ENOX1: variants seen among roughly 807,000 people sequenced by gnomAD.
ENOX1 encodes ecto-NOX disulfide-thiol exchanger 1, also known as candidate growth-related and time keeping constitutive hydroquinone (NADH) oxidase.
In ENOX1, 42 loss-of-function variants were observed where a neutral mutation model predicts 82.5. The observed-to-expected ratio is 0.51, with a 90% confidence interval of 0.40 to 0.66. ENOX1 has a LOEUF of 0.66. Ranked by LOEUF, ENOX1 falls within the 30% of genes least tolerant of loss-of-function variation. The probability of loss-of-function intolerance (pLI) is 0.00; values close to 1 mark genes in which losing one functional copy is unlikely to be tolerated. For synonymous variants in ENOX1, 271 were observed against 282.2 expected (o/e 0.96, Z 0.40); for missense variants, 608 against 811.6 (o/e 0.75, Z 3.05).
At chr13:43,685,686 C>T (rs1371803222) in intron 1 of ENOX1, among the ~76,000 whole-genome samples, 1 of 152,066 alleles carries the variant, frequency 6.6e-6, no homozygotes, top group Non-Finnish European at 1.5e-5. Flanking sequence ...TATTATTCTG[C>T]TGTCTTCCTC....
chr13:43,667,403 T>TA (rs1220436840), intron 2 of ENOX1, 76 bp downstream of exon 2: 1 of 921,332 alleles, frequency 1.1e-6, no homozygotes, highest in Non-Finnish European at 1.3e-6. Flanking sequence ...GCCAGAGGTA[T>TA]AATTAAACTA....
intron 2 of ENOX1, among the ~76,000 whole-genome samples, chr13:43,617,612 T>C (rs9590777): frequency 0.32 from 48,572 of 152,162 alleles, 9,542 homozygotes; most frequent in Non-Finnish European, 0.44. Context: ...GGTTTCTTTA[T>C]CCACTTGTTG....
At chr13:43,467,691 T>G (rs184662342) in intron 3 of ENOX1, among the ~76,000 whole-genome samples, 157 of 152,282 alleles carry the variant, frequency 1.0e-3, no homozygotes, top group Admixed American at 1.9e-3. Flanking sequence ...ATTTTTCTTT[T>G]GCTGTACATG....
intron 2 of ENOX1, among the ~76,000 whole-genome samples, chr13:43,636,867 G>A (rs191688328): frequency 4.7e-4 from 71 of 152,178 alleles, no homozygotes; most frequent in Non-Finnish European, 9.6e-4. Context: ...AAGAAGAGAC[G>A]GTAGGCAGGC....
rs575977973 is a variant in ENOX1 at position 43,216,553 on chromosome 13, A to C, written c.1801-2432T>G. 6.2e-4 allele frequency among the ~76,000 whole-genome samples: 94 copies of C among 152,260 alleles called. 1 individual carries two copies. Among genetic ancestry groups the C allele is most frequent in the Non-Finnish European group, 1.2e-3 (82 of 68,012 alleles). On this transcript the variant is annotated intron_variant, in intron 16 of 16. Transcript: ENST00000690772. Reference sequence around the variant, plus strand: ...CCTCATGAGACCAAGTTATCTTCTCAAAGAGTTCCCTTCTTTCTTTTGGAG... The same window carrying C: ...CCTCATGAGACCAAGTTATCTTCTCCAAGAGTTCCCTTCTTTCTTTTGGAG...
At chr13:43,782,885 A>C (rs1400110820) in intron 1 of ENOX1, among the ~76,000 whole-genome samples, 1 of 152,194 alleles carries the variant, frequency 6.6e-6, no homozygotes, top group African/African-American at 2.4e-5. Context: ...TAGATGACTC[A>C]TCTTCCACTA....
intron 16 of ENOX1, among the ~76,000 whole-genome samples, chr13:43,216,850 C>A (rs1172584152): frequency 6.6e-6 from 1 of 152,118 alleles, no homozygotes; most frequent in Non-Finnish European, 1.5e-5. Context: ...GTGTAGGAGG[C>A]CAGCTGGGGT....
chr13:43,306,532 A>G (rs2046875060), intron 11 of ENOX1, among the ~76,000 whole-genome samples: 1 of 152,096 alleles, frequency 6.6e-6, no homozygotes, highest in Non-Finnish European at 1.5e-5. Context: ...TCCCCTGCAG[A>G]CAGTGCACCT....
chr13:43,286,125 G>A (rs559830836), intron 12 of ENOX1, among the ~76,000 whole-genome samples: 1 of 152,304 alleles, frequency 6.6e-6, no homozygotes, highest in Admixed American at 6.5e-5. Context: ...CAGGGCTTCA[G>A]TGTGAATGAG....
At chr13:43,331,119 C>G (rs906408860) in intron 9 of ENOX1, among the ~76,000 whole-genome samples, 1 of 152,202 alleles carries the variant, frequency 6.6e-6, no homozygotes, top group African/African-American at 2.4e-5. Flanking sequence ...AAAGCAGCCA[C>G]TGGGTGCAAA....
At chr13:43,261,046 C>T (rs1246070679) in intron 14 of ENOX1, among the ~76,000 whole-genome samples, 2 of 152,194 alleles carry the variant, frequency 1.3e-5, no homozygotes, top group Non-Finnish European at 2.9e-5. Context: ...TTTAAATCTG[C>T]TTTCAGAAAA....
chr13:43,355,796 A>G (rs1282553294), intron 8 of ENOX1, 123 bp downstream of exon 8: 7 of 997,664 alleles, frequency 7.0e-6, no homozygotes, highest in African/African-American at 1.6e-5. Context: ...AGACTCTTAC[A>G]GCCTTCTTAA....
At chr13:43,588,529 C>G (rs1440991392) in intron 2 of ENOX1, among the ~76,000 whole-genome samples, 1 of 152,174 alleles carries the variant, frequency 6.6e-6, no homozygotes, top group African/African-American at 2.4e-5. Flanking sequence ...AGTATGATCT[C>G]TAAAATACAA....
intron 8 of ENOX1, among the ~76,000 whole-genome samples, chr13:43,353,933 G>A (rs935348077): frequency 2.0e-5 from 3 of 152,162 alleles, no homozygotes; most frequent in Non-Finnish European, 2.9e-5. Flanking sequence ...TAAAAGGAGC[G>A]GCAAATGCCA....
At chr13:43,374,794 T>C (rs2051504300) in intron 5 of ENOX1, among the ~76,000 whole-genome samples, 1 of 152,222 alleles carries the variant, frequency 6.6e-6, no homozygotes, top group Admixed American at 6.5e-5. Context: ...TTTGGCAGAC[T>C]GAAGACATCT....
intron 3 of ENOX1, among the ~76,000 whole-genome samples, chr13:43,413,189 C>T (rs2054238925): frequency 1.3e-5 from 2 of 152,134 alleles, no homozygotes; most frequent in African/African-American, 2.4e-5. Context: ...ATGTGTGGGT[C>T]AACTCATCGA....
In ENOX1 at chr13:43,638,750, A is replaced by G. The variant is rs534124453; in HGVS notation, c.-219+28729T>C. Among the ~76,000 whole-genome samples, 3 of 152,322 alleles carry G rather than the reference A, an allele frequency of 2.0e-5. No homozygotes were observed. In the South Asian group the frequency reaches 6.2e-4, roughly 32 times the overall value. ...GTGGTGGGGGGCAGTGCACAGATTC[A>G]TCTAACTTTAGACTGTGATGAAATA... On this transcript the variant is annotated intron_variant, in intron 2 of 16. Coordinates refer to ENST00000690772, the MANE Select transcript of ENOX1 (RefSeq NM_001347969.2).
chr13:43,234,606 G>C (rs533455538), intron 15 of ENOX1, among the ~76,000 whole-genome samples: 1 of 152,196 alleles, frequency 6.6e-6, no homozygotes, highest in African/African-American at 2.4e-5. Flanking sequence ...ATTTAGAATT[G>C]GTTGTATATG....
At chr13:43,622,169 C>T (rs1034839985) in intron 2 of ENOX1, among the ~76,000 whole-genome samples, 4 of 152,102 alleles carry the variant, frequency 2.6e-5, no homozygotes, top group African/African-American at 9.7e-5. Flanking sequence ...TTTGGATTTC[C>T]TTGCATTGGG....
Sources: allele counts gnomAD v4.1 joint callset (sites outside exome capture counted in the v4.1 genomes callset), GRCh38; gene constraint gnomAD v4.1.1; transcripts MANE v1.5; gene names NCBI Gene and HGNC (gene_info 2026-07-23, HGNC 2026-07-21).